DLG2: variants seen among roughly 807,000 people sequenced by gnomAD.
DLG2 encodes disks large homolog 2.
Under a neutral mutation model 132.5 loss-of-function variants are expected in DLG2, and 45 were observed. The observed-to-expected ratio is 0.34, with a 90% CI of 0.27 to 0.44. The LOEUF (loss-of-function observed/expected upper bound fraction) is 0.44, where lower values mean the gene tolerates loss of function less well. DLG2 is among the 20% of genes least tolerant of loss of function. DLG2 has a pLI of 1.00. For synonymous variants in DLG2, 424 were observed against 419.6 expected (o/e 1.01, Z -0.13); for missense variants, 1,045 against 1,196.9 (o/e 0.87, Z 1.87).
intron 3 of DLG2, among the ~76,000 whole-genome samples, chr11:85,497,531 C>A (rs776840651): frequency 6.6e-6 from 1 of 152,068 alleles, no homozygotes; most frequent in African/African-American, 2.4e-5. Flanking sequence ...AGAACTTCCC[C>A]AACCTGGCAA....
intron 6 of DLG2, among the ~76,000 whole-genome samples, chr11:84,611,970 C>T (rs180798704): frequency 6.6e-6 from 1 of 152,250 alleles, no homozygotes; most frequent in Admixed American, 6.5e-5. Flanking sequence ...TGACTAACAA[C>T]AACCTATTTA....
At chr11:85,218,524 C>G (rs2082771981) in intron 4 of DLG2, among the ~76,000 whole-genome samples, 1 of 152,088 alleles carries the variant, frequency 6.6e-6, no homozygotes, top group Non-Finnish European at 1.5e-5. Context: ...GATATGATCT[C>G]ACACCAGTCA....
chr11:83,628,984 A>G (rs1216208227), intron 19 of DLG2, among the ~76,000 whole-genome samples: 2 of 152,186 alleles, frequency 1.3e-5, no homozygotes, highest in Non-Finnish European at 2.9e-5. Flanking sequence ...TTTTATGTGT[A>G]TATGTATTTA....
intron 11 of DLG2, among the ~76,000 whole-genome samples, chr11:84,019,441 G>A (rs2095323623): frequency 6.6e-6 from 1 of 152,100 alleles, no homozygotes; most frequent in Non-Finnish European, 1.5e-5. Context: ...CAAAATAACA[G>A]ATCATGAATT....
intron 8 of DLG2, among the ~76,000 whole-genome samples, chr11:84,234,336 CT>C: frequency 6.6e-6 from 1 of 152,250 alleles, no homozygotes; most frequent in South Asian, 2.1e-4. Flanking sequence ...TAAAACTTGC[CT>C]TGGTCCCTCC....
intron 7 of DLG2, among the ~76,000 whole-genome samples, chr11:84,362,709 T>C (rs2098656936): frequency 6.6e-6 from 1 of 152,028 alleles, no homozygotes; most frequent in Non-Finnish European, 1.5e-5. Context: ...CCTTCCTGTG[T>C]CCATGTGTTC....
chr11:84,861,618 CAAAAAAAAAAAAAAA>C (rs1177657034), intron 6 of DLG2, among the ~76,000 whole-genome samples: 1 of 35,836 alleles, frequency 2.8e-5, no homozygotes, highest in African/African-American at 1.3e-4. Context: ...TTCTACACAG[CAAAAAAAAAAAAAAA>C]AAAAAACAAA....
At chr11:83,936,066 C>A (rs1245936288) in intron 14 of DLG2, among the ~76,000 whole-genome samples, 1 of 152,146 alleles carries the variant, frequency 6.6e-6, no homozygotes, top group African/African-American at 2.4e-5. Context: ...CACAAGGATG[C>A]ATAACCTCAG....
At chr11:84,379,055 C>T (rs939901879) in intron 7 of DLG2, among the ~76,000 whole-genome samples, 39 of 151,764 alleles carry the variant, frequency 2.6e-4, no homozygotes, top group African/African-American at 8.7e-4. Context: ...CACATTATTT[C>T]TTTTGAAACT....
intron 7 of DLG2, among the ~76,000 whole-genome samples, chr11:84,327,990 G>A (rs182911026): frequency 6.6e-5 from 10 of 152,222 alleles, no homozygotes; most frequent in Admixed American, 2.6e-4. Flanking sequence ...AGACTAATAC[G>A]TGTAACATCC....
intron 3 of DLG2, among the ~76,000 whole-genome samples, chr11:85,370,786 A>G (rs895169687): frequency 2.0e-5 from 3 of 152,216 alleles, no homozygotes; most frequent in African/African-American, 7.2e-5. Context: ...AGAGGTAAAC[A>G]GGATTATTTG....
intron 7 of DLG2, among the ~76,000 whole-genome samples, chr11:84,271,949 C>CAAAAAAAAAAAAAAAAAAAAAAAAAAA: frequency 2.6e-5 from 2 of 77,790 alleles, no homozygotes; most frequent in African/African-American, 4.5e-5. Flanking sequence ...TTGATAATAA[C>CAAAAAAAAAAAAAAAAAAAAAAAAAAA]AAAAAAAAAA....
intron 3 of DLG2, among the ~76,000 whole-genome samples, chr11:85,413,085 A>G (rs556548593): frequency 6.6e-6 from 1 of 151,494 alleles, no homozygotes; most frequent in African/African-American, 2.4e-5. Context: ...CCATTTTTTG[A>G]TTTTTTATTG....
At chr11:85,073,725 T>A (rs948602859) in intron 6 of DLG2, among the ~76,000 whole-genome samples, 1 of 151,878 alleles carries the variant, frequency 6.6e-6, no homozygotes, top group Non-Finnish European at 1.5e-5. Flanking sequence ...TGAATTACCA[T>A]TCAACCCAGC....
chr11:85,349,933 G>A (rs2083151749), intron 3 of DLG2, among the ~76,000 whole-genome samples: 2 of 151,512 alleles, frequency 1.3e-5, no homozygotes, highest in Admixed American at 6.6e-5. Context: ...ACCCAGTAAT[G>A]GGATTGCTAG....
rs187373795 is a variant in DLG2 at position 84,719,120 on chromosome 11, C to T, written c.358-184389G>A. Among the ~76,000 whole-genome samples the T allele has an allele frequency of 5.9e-5, 9 of 152,192 alleles. No individual in the cohort carries two copies. The East Asian group carries it at 1.7e-3, about 29-fold the overall frequency. On this transcript the variant is annotated intron_variant, in intron 6 of 27. Coordinates refer to ENST00000376104, the MANE Select transcript of DLG2 (RefSeq NM_001142699.3). ...CCAGAGAAGATTCTCTAGGCATAGC[C>T]AATATAAGACTTAAAATCCTGACTC...
chr11:83,854,487 T>C (rs911806449), intron 16 of DLG2, among the ~76,000 whole-genome samples: 1 of 152,108 alleles, frequency 6.6e-6, no homozygotes, highest in African/African-American at 2.4e-5. Flanking sequence ...CAAGACAGTA[T>C]GGTATTGGTG....
chr11:83,525,144 C>T (rs191053751), intron 21 of DLG2, among the ~76,000 whole-genome samples: 1 of 152,274 alleles, frequency 6.6e-6, no homozygotes, highest in East Asian at 1.9e-4. Context: ...ATAATATGAA[C>T]TTTTTCATCC....
At chr11:84,863,415 T>C (rs1364272873) in intron 6 of DLG2, among the ~76,000 whole-genome samples, 2 of 152,200 alleles carry the variant, frequency 1.3e-5, no homozygotes, top group Non-Finnish European at 2.9e-5. Flanking sequence ...TCAGATGCGC[T>C]TTTCCTTATC....
Sources: allele counts gnomAD v4.1 joint callset (sites outside exome capture counted in the v4.1 genomes callset), GRCh38; gene constraint gnomAD v4.1.1; transcripts MANE v1.5; gene names NCBI Gene and HGNC (gene_info 2026-07-23, HGNC 2026-07-21).